ADCY2: variants seen among roughly 807,000 people sequenced by gnomAD.
ADCY2 encodes adenylate cyclase type 2.
ADCY2 carries 31 observed loss-of-function variants against 125.2 expected under a neutral mutation model. The observed-to-expected ratio is 0.25, with a 90% CI of 0.19 to 0.33. The LOEUF (loss-of-function observed/expected upper bound fraction) is 0.33. ADCY2 is among the 10% of genes least tolerant of loss of function. The pLI is 1.00. For synonymous variants in ADCY2, 512 were observed against 548.4 expected (o/e 0.93, Z 0.93); for missense variants, 904 against 1,418.2 (o/e 0.64, Z 5.82).
intron 6 of ADCY2, among the ~76,000 whole-genome samples, chr5:7,696,196 G>C (rs1043007218): frequency 3.3e-5 from 5 of 152,204 alleles, no homozygotes; most frequent in Admixed American, 2.0e-4. Context: ...TGCTCTTTTA[G>C]GCATTTCCAT....
chr5:7,824,614 C>T (rs912743803), intron 24 of ADCY2, among the ~76,000 whole-genome samples: 5 of 152,222 alleles, frequency 3.3e-5, no homozygotes, highest in Non-Finnish European at 5.9e-5. Context: ...GGACTTGGGC[C>T]AGACCAGAGC....
In ADCY2 at chr5:7,759,816, GC is replaced by G. The variant is rs570912204; in HGVS notation, c.2094+2231del. ...GCTCCAGAAAGATAGAAACGCCAGGGCTCAGGTGGAGACCTGCTCCATTCAT... is the reference window on the plus strand; with the variant it reads ...GCTCCAGAAAGATAGAAACGCCAGGGTCAGGTGGAGACCTGCTCCATTCAT... On this transcript the variant is annotated intron_variant, in intron 16 of 24. Coordinates refer to ENST00000338316, the MANE Select transcript of ADCY2 (RefSeq NM_020546.3). Among the ~76,000 whole-genome samples the G allele has an allele frequency of 6.5e-3, 989 of 151,800 alleles. 4 individuals carry two copies. Among genetic ancestry groups the G allele is most frequent in the Non-Finnish European group, 0.01 (688 of 67,980 alleles).
chr5:7,577,100 GTT>G (rs1736276032), intron 3 of ADCY2, among the ~76,000 whole-genome samples: 1 of 152,078 alleles, frequency 6.6e-6, no homozygotes, highest in South Asian at 2.1e-4. Context: ...AAGATTGTTA[GTT>G]TCTCTATTAT....
intron 7 of ADCY2, among the ~76,000 whole-genome samples, chr5:7,701,349 A>T (rs10036787): frequency 0.54 from 81,672 of 152,004 alleles, 22,971 homozygotes; most frequent in East Asian, 0.85. Flanking sequence ...GTTTAAGTTA[A>T]TCCAATGTCT....
rs375596780 is a variant in ADCY2 at position 7,683,192 on chromosome 5, G to A, written c.721-7499G>A. 3.5e-4 allele frequency among the ~76,000 whole-genome samples: 54 copies of A among 152,298 alleles called. 1 individual carries two copies. The highest frequency in any genetic ancestry group is 1.7e-3 in the South Asian group (8 of 4,828). On this transcript the variant is annotated intron_variant, in intron 4 of 24. Coordinates refer to ENST00000338316, the MANE Select transcript of ADCY2 (RefSeq NM_020546.3). ...AAGGCTCAACCTCCTCTTACTCTACGTGAGGGAGAAGAATCAGCACTTCAC... is the reference window on the plus strand; with the variant it reads ...AAGGCTCAACCTCCTCTTACTCTACATGAGGGAGAAGAATCAGCACTTCAC...
chr5:7,636,204 G>C (rs895076294), intron 4 of ADCY2, among the ~76,000 whole-genome samples: 1 of 152,260 alleles, frequency 6.6e-6, no homozygotes, highest in African/African-American at 2.4e-5. Context: ...ATCTGGAGAA[G>C]AGAGGGCGCA....
At chr5:7,658,502 G>A (rs1739420210) in intron 4 of ADCY2, among the ~76,000 whole-genome samples, 1 of 151,426 alleles carries the variant, frequency 6.6e-6, no homozygotes, top group Non-Finnish European at 1.5e-5. Context: ...GTGATGCAAT[G>A]TCTGCCTTCT....
chr5:7,396,596 C>T lies in ADCY2; in HGVS notation c.210+90C>T. On this transcript the variant is annotated intron_variant, in intron 1 of 24. Transcript: ENST00000338316. The surrounding 1 kb of genome is among the most constrained non-coding windows in gnomAD (Gnocchi z 5.7). ...CGAGCCGCGTCCCGCTCCGGGCTGC[C>T]CCTCGGCCCGCGGCAGCCCCTCGGC... The T allele has an allele frequency of 1.2e-6, 1 of 807,870 alleles. No individual in the cohort carries two copies. Among genetic ancestry groups the T allele is most frequent in the East Asian group, 3.7e-5 (1 of 27,226 alleles). 50.0% of individuals were successfully genotyped at this position (807,870 alleles called of 1,614,324 possible).
At position 7,820,598 on chromosome 5, in the gene ADCY2, T is replaced by C; in HGVS notation, c.3032T>C (p.Ile1011Thr). The C allele has an allele frequency of 6.2e-7, 1 of 1,614,024 alleles. No individual in the cohort carries two copies. Among genetic ancestry groups the C allele is most frequent in the Non-Finnish European group, 8.5e-7 (1 of 1,179,944 alleles). ...INHGPVIAGVIGAQKPQYDIW... is the reference protein window; with the variant it reads ...INHGPVIAGVTGAQKPQYDIW... The stretch of plus-strand genomic sequence containing the variant: ...CATGGACCTGTGATAGCTGGTGTGA[T>C]TGGAGCTCAGAAGCCACAATATGAT... Residue 1011 changes from isoleucine to threonine, a missense_variant, in exon 24 of 25, where the codon ATT becomes ACT. Coordinates refer to ENST00000338316, the MANE Select transcript of ADCY2 (RefSeq NM_020546.3).
Position 7,727,235 on chromosome 5 carries a change from C to A in ADCY2, c.1845C>A (p.Phe615Leu). ...TCACLIFFCIFIVQILVLPKT... is the reference protein window; with the variant it reads ...TCACLIFFCILIVQILVLPKT... ...CCTGTCTCATATTCTTCTGCATCTT[C>A]ATTGTGCAGATTCTCGTGCTGCCAA... Residue 615 changes from phenylalanine (F) to leucine (L), a missense_variant, in exon 14 of 25, where the codon TTC (phenylalanine) becomes TTA (leucine). Physicochemically the swap from Phe to Leu is conservative, Grantham distance 22. Around this residue, in one of 7 missense-constraint regions of ADCY2, gnomAD observed 221 missense variants for 246.2 expected, o/e 0.90. Transcript: ENST00000338316. 1 of 1,614,032 alleles carries A rather than the reference C, an allele frequency of 6.2e-7. No individual in the cohort carries two copies. Among genetic ancestry groups the A allele is most frequent in the Non-Finnish European group, 8.5e-7 (1 of 1,179,892 alleles).
chr5:7,662,355 C>G (rs1260613690), intron 4 of ADCY2, among the ~76,000 whole-genome samples: 1 of 152,182 alleles, frequency 6.6e-6, no homozygotes, highest in Non-Finnish European at 1.5e-5. Context: ...AGGTTACAGG[C>G]AGAAATGCAA....
intron 3 of ADCY2, among the ~76,000 whole-genome samples, chr5:7,573,446 C>T (rs182761294): frequency 6.6e-4 from 100 of 152,048 alleles, no homozygotes; most frequent in African/African-American, 2.2e-3. Flanking sequence ...GGCATGGATG[C>T]ATGGTTCTAG....
At chr5:7,524,329 C>T (rs1734370431) in intron 3 of ADCY2, among the ~76,000 whole-genome samples, 1 of 152,074 alleles carries the variant, frequency 6.6e-6, no homozygotes, top group African/African-American at 2.4e-5. Flanking sequence ...CAATCTGATG[C>T]CCCACCACCC....
intron 2 of ADCY2, among the ~76,000 whole-genome samples, chr5:7,473,089 C>T (rs552337338): frequency 1.3e-5 from 2 of 152,162 alleles, no homozygotes; most frequent in East Asian, 3.9e-4. Context: ...GCACCTCCCC[C>T]AGCATAAGGC....
At chr5:7,473,197 G>T (rs1204148064) in intron 2 of ADCY2, among the ~76,000 whole-genome samples, 1 of 152,132 alleles carries the variant, frequency 6.6e-6, no homozygotes, top group East Asian at 1.9e-4. Context: ...AATACCTGAG[G>T]CTGAGTATTT....
chr5:7,599,884 C>T (rs1737144029), intron 3 of ADCY2, among the ~76,000 whole-genome samples: 1 of 152,100 alleles, frequency 6.6e-6, no homozygotes, highest in Non-Finnish European at 1.5e-5. Flanking sequence ...TAAAAATGCT[C>T]CTGGGATTTG....
intron 2 of ADCY2, among the ~76,000 whole-genome samples, chr5:7,494,619 G>T (rs1385486868): frequency 6.6e-6 from 1 of 152,100 alleles, no homozygotes; most frequent in Non-Finnish European, 1.5e-5. Flanking sequence ...GGCAGATGGT[G>T]GGGGCTCAAG....
intron 15 of ADCY2, chr5:7,749,626 C>CA (rs1742738388): frequency 6.6e-6 from 1 of 152,114 alleles, no homozygotes; most frequent in South Asian, 2.1e-4. Flanking sequence ...TGACTCTAAC[C>CA]AAAAATTCCA....
chr5:7,424,998 C>T (rs1740336185), intron 2 of ADCY2, among the ~76,000 whole-genome samples: 1 of 152,138 alleles, frequency 6.6e-6, no homozygotes, highest in Admixed American at 6.5e-5. Flanking sequence ...GGATGCCACA[C>T]AGGGTTCAAT....
Sources: gnomAD v4.1 joint callset for allele counts (sites outside exome capture counted in the v4.1 genomes callset) on GRCh38, gnomAD v4.1.1 for gene constraint, gnomAD v4.1.1 regional missense constraint, Gnocchi (gnomAD v3.1) non-coding constraint, MANE v1.5 for transcripts, NCBI Gene and HGNC (gene_info 2026-07-23, HGNC 2026-07-21) for gene names.